EXOC7: variants seen among roughly 807,000 people sequenced by gnomAD.
EXOC7 encodes exocyst complex component 7, also known as exocyst complex component Exo70.
A neutral mutation model predicts 87.6 loss-of-function variants in EXOC7; 51 were observed. The ratio of observed to expected loss-of-function variants is 0.58; its 90% confidence interval spans 0.46 to 0.73. EXOC7 has a LOEUF of 0.73. Among genes scored for constraint, EXOC7 ranks in the 30% least tolerant of loss-of-function variants. EXOC7 has a pLI of 0.00. For missense variants in EXOC7, 744 were observed against 888.4 expected, an observed-to-expected ratio of 0.84 and a Z score of 2.07; for synonymous variants, 327 against 357.1, an observed-to-expected ratio of 0.92 and a Z score of 0.95.
chr17:76,103,679 T>A lies in EXOC7; in HGVS notation c.14A>T (p.Gln5Leu). MIPPQEASARRREIE... is the reference protein window; with the variant it reads MIPPLEASARRREIE... ...CTCCCGCCGTCGAGCGGATGCCTCCTGTGGGGGAATCATCGCTCTGAACCC... is the reference window on the plus strand; with the variant it reads ...CTCCCGCCGTCGAGCGGATGCCTCCAGTGGGGGAATCATCGCTCTGAACCC... The change falls in exon 1 of 19, where the codon CAG (glutamine) becomes CTG (leucine). Residue 5 changes from glutamine (Q) to leucine (L), a missense_variant. Gln to Leu is a moderately radical substitution (Grantham distance 113). Coordinates refer to ENST00000589210, the MANE Select transcript of EXOC7 (RefSeq NM_001013839.4). 1 of 1,612,452 alleles carries A rather than the reference T, an allele frequency of 6.2e-7. No homozygotes were observed. Among genetic ancestry groups the A allele is most frequent in the Non-Finnish European group, 8.5e-7 (1 of 1,179,356 alleles).
intron 7 of EXOC7, 23 bp from the exon 8 acceptor site, chr17:76,089,343 A>G: frequency 6.2e-7 from 1 of 1,611,536 alleles, no homozygotes; most frequent in Non-Finnish European, 8.5e-7. Flanking sequence ...ACAACTCTTG[A>G]GCTGCTGGTC....
At chr17:76,095,012 G>C (rs1029542153) in intron 5 of EXOC7, among the ~76,000 whole-genome samples, 1 of 152,108 alleles carries the variant, frequency 6.6e-6, no homozygotes, top group African/African-American at 2.4e-5. Context: ...CCAGGCTGGA[G>C]TGCAGTGGTG....
At chr17:76,089,104 G>A in intron 8 of EXOC7, 71 bp downstream of exon 8, 2 of 1,596,400 alleles carry the variant, frequency 1.3e-6, no homozygotes, top group Non-Finnish European at 1.7e-6. Context: ...GGGTGGAGTT[G>A]AGGGCTGCAA....
At chr17:76,086,453 T>C (rs2067216235) in intron 12 of EXOC7, among the ~76,000 whole-genome samples, 2 of 152,216 alleles carry the variant, frequency 1.3e-5, no homozygotes, top group South Asian at 4.1e-4. Flanking sequence ...GGGTGGTTTC[T>C]ACAAGGCCCC....
chr17:76,094,681 A>T (rs1457596707), intron 5 of EXOC7, 100 bp from the exon 6 acceptor site: 57 of 1,212,682 alleles, frequency 4.7e-5, no homozygotes, highest in Middle Eastern at 2.9e-4. Flanking sequence ...CCTTCTTAGC[A>T]TCTGCTCCCT....
At chr17:76,090,245 C>T in intron 7 of EXOC7, 1 of 1,467,860 alleles carries the variant, frequency 6.8e-7, no homozygotes, top group Non-Finnish European at 9.1e-7. Flanking sequence ...GTGGGCCCAG[C>T]TGGGCCAGGC....
intron 3 of EXOC7, 28 bp from the exon 4 acceptor site, chr17:76,101,404 T>A (rs367704480): frequency 6.2e-7 from 1 of 1,612,304 alleles, no homozygotes; most frequent in Non-Finnish European, 8.5e-7. Flanking sequence ...CAGGTCAGGC[T>A]GGGGCATGGG....
At chr17:76,089,511 T>G in intron 7 of EXOC7, 191 bp from the exon 8 acceptor site, 1 of 647,964 alleles carries the variant, frequency 1.5e-6, no homozygotes, top group East Asian at 2.8e-5. Context: ...TAAAAGGAGC[T>G]GAGCCCAGCC....
rs2067041483 is a variant in EXOC7, at chr17:76,082,847, G to A, written c.*801C>T. Reference sequence around the variant, plus strand: ...CAGTCTTCAATCTCGTCCTAAATAGGTGGGGCCCTATTTTTTGCTTCCAAC... The same window carrying A: ...CAGTCTTCAATCTCGTCCTAAATAGATGGGGCCCTATTTTTTGCTTCCAAC... On this transcript the variant is annotated 3_prime_UTR_variant, in exon 19 of 19. Transcript: ENST00000589210. 4.2e-6 allele frequency: 2 copies of A among 478,018 alleles called. No homozygotes were observed. The highest frequency in any genetic ancestry group is 6.9e-6 in the Non-Finnish European group (2 of 291,888). The allele number at this position is 478,018 out of a possible 1,614,324, so 29.6% of individuals were successfully genotyped here.
At position 76,083,537 on chromosome 17, in the gene EXOC7, G is replaced by T; in HGVS notation, c.*111C>A. On this transcript the variant is annotated 3_prime_UTR_variant, in exon 19 of 19. Coordinates refer to ENST00000589210, the MANE Select transcript of EXOC7 (RefSeq NM_001013839.4). ...ACAGCTCCCGGAGGCGTGGAGACAGGTCTCTGTCCCAGAGGACTTCAAGCT... is the reference window on the plus strand; with the variant it reads ...ACAGCTCCCGGAGGCGTGGAGACAGTTCTCTGTCCCAGAGGACTTCAAGCT... The T allele has an allele frequency of 9.6e-7, 1 of 1,037,556 alleles. No homozygotes were observed. 64.3% of individuals were successfully genotyped at this position (1,037,556 alleles called of 1,614,324 possible).
chr17:76,084,374 G>C (rs779189766), intron 16 of EXOC7, 85 bp from the exon 17 acceptor site: 2 of 1,597,106 alleles, frequency 1.3e-6, no homozygotes, highest in Non-Finnish European at 1.7e-6. Context: ...CCCTTGGTCT[G>C]GGCCTGTCTC....
intron 12 of EXOC7, chr17:76,086,805 C>A (rs1208443742): frequency 2.0e-6 from 3 of 1,532,442 alleles, no homozygotes; most frequent in South Asian, 1.2e-5. Flanking sequence ...GAACCTCACC[C>A]ACCAAGCTTC....
chr17:76,086,576 G>C (rs2067221464), intron 12 of EXOC7, among the ~76,000 whole-genome samples: 1 of 152,186 alleles, frequency 6.6e-6, no homozygotes, highest in Non-Finnish European at 1.5e-5. Flanking sequence ...AGACGAAGCT[G>C]CGGCCTGCAC....
At position 76,087,644 on chromosome 17, in the gene EXOC7, G is replaced by T. The variant is rs1231063219; in HGVS notation, c.1429+10C>A. ...GTGGGGCAGGGGGCCCAACTGGGAG[G>T]TACCAGTACCTTGGGAGGCCAGCAT... On this transcript the variant is annotated intron_variant, in intron 12 of 18. Coordinates refer to ENST00000589210, the MANE Select transcript of EXOC7 (RefSeq NM_001013839.4). 2 of 1,550,846 alleles carry T rather than the reference G, an allele frequency of 1.3e-6. No individual in the cohort carries two copies. The highest frequency in any genetic ancestry group is 2.7e-5 in the African/African-American group (2 of 73,176).
intron 4 of EXOC7, among the ~76,000 whole-genome samples, chr17:76,099,309 C>G (rs1189110086): frequency 6.6e-6 from 1 of 152,122 alleles, no homozygotes; most frequent in East Asian, 1.9e-4. Flanking sequence ...AGTTCAAGAC[C>G]AGCCTGGCCA....
At chr17:76,098,375 A>T (rs1485598819) in intron 4 of EXOC7, among the ~76,000 whole-genome samples, 1 of 151,084 alleles carries the variant, frequency 6.6e-6, no homozygotes, top group South Asian at 2.1e-4. Flanking sequence ...ACCTCAGGTG[A>T]TCCACCCGCC....
chr17:76,086,004 A>G, intron 13 of EXOC7, 76 bp downstream of exon 13: 1 of 1,567,150 alleles, frequency 6.4e-7, no homozygotes, highest in East Asian at 2.3e-5. Flanking sequence ...GAATAGCCAG[A>G]GAGCACAGAC....
At chr17:76,102,431 C>G (rs865900055) in intron 2 of EXOC7, among the ~76,000 whole-genome samples, 2 of 140,456 alleles carry the variant, frequency 1.4e-5, no homozygotes, top group East Asian at 1.9e-4. Flanking sequence ...CACACACACA[C>G]ACACACACAC....
intron 6 of EXOC7, 150 bp from the exon 7 acceptor site, chr17:76,091,385 G>C (rs2067474133): frequency 6.4e-6 from 4 of 623,256 alleles, no homozygotes. Context: ...AGACGCTGGG[G>C]ACAAGGATGA....
Sources: gnomAD v4.1 joint callset for allele counts (sites outside exome capture counted in the v4.1 genomes callset) on GRCh38, gnomAD v4.1.1 for gene constraint, MANE v1.5 for transcripts, NCBI Gene and HGNC (gene_info 2026-07-23, HGNC 2026-07-21) for gene names.